C1orf174: variants seen among roughly 807,000 people sequenced by gnomAD.
The protein encoded by C1orf174 is chromosome 1 open reading frame 174.
In C1orf174, 13 loss-of-function variants were observed where a neutral mutation model predicts 18.4. The observed-to-expected ratio is 0.71, with a 90% CI of 0.46 to 1.12. C1orf174 has a LOEUF of 1.12. Among genes scored for constraint, C1orf174 ranks in the 50% most tolerant of loss-of-function variants. C1orf174 has a pLI of 0.00. For synonymous variants in C1orf174, 100 were observed against 118.3 expected (o/e 0.85, Z 1.01); for missense variants, 309 against 308.0 (o/e 1.00, Z -0.02).
Position 3,891,022 on chromosome 1 carries a change from C to T in C1orf174, c.165G>A (p.Thr55=), listed in dbSNP as rs368670235. Residue 55 remains threonine, a synonymous_variant, in exon 3 of 4, where the codon ACG becomes ACA. Transcript: ENST00000361605. ...SSSHKATDTR[T]SKKFKCDKGH... Reference sequence around the variant, plus strand: ...CTTTGTCACATTTGAACTTCTTGGACGTTCGCGTGTCTGTGGCTTTGTGGG... The same window carrying T: ...CTTTGTCACATTTGAACTTCTTGGATGTTCGCGTGTCTGTGGCTTTGTGGG... The T allele has an allele frequency of 6.9e-5, 111 of 1,613,388 alleles. No individual in the cohort carries two copies. The highest frequency in any genetic ancestry group is 1.1e-4 in the East Asian group (5 of 44,892).
At chr1:3,894,722 A>T (rs1257403301) in intron 1 of C1orf174, among the ~76,000 whole-genome samples, 1 of 152,144 alleles carries the variant, frequency 6.6e-6, no homozygotes, top group Non-Finnish European at 1.5e-5. Flanking sequence ...TGGCAGTCAG[A>T]GTGTGTGTCT....
In C1orf174 at chr1:3,890,939, A is replaced by G; in HGVS notation, c.248T>C (p.Leu83Ser). Residue 83 changes from leucine (L) to serine (S), a missense_variant, in exon 3 of 4, where the codon TTG becomes TCG. Transcript: ENST00000361605. ...KLVPKNDSAS[L>S]PKVTPETPCE... ...AGGGGTCTCAGGTGTCACTTTTGGC[A>G]AAGAAGCGCTGTCATTCTTAGGGAC... 3 of 1,614,168 alleles carry G rather than the reference A, an allele frequency of 1.9e-6. No individual in the cohort carries two copies. The highest frequency in any genetic ancestry group is 2.2e-5 in the South Asian group (2 of 91,080).
At chr1:3,898,372 T>C (rs1638644812) in intron 1 of C1orf174, among the ~76,000 whole-genome samples, 1 of 151,976 alleles carries the variant, frequency 6.6e-6, no homozygotes, top group African/African-American at 2.4e-5. Flanking sequence ...TAGCCGGGCG[T>C]AGTGGCAGCC....
chr1:3,893,202 G>A (rs762645744), intron 1 of C1orf174, among the ~76,000 whole-genome samples: 2 of 152,136 alleles, frequency 1.3e-5, no homozygotes, highest in African/African-American at 4.8e-5. Context: ...CTATTTCCAC[G>A]ATTTTGGAGG....
Position 3,890,661 on chromosome 1 carries a change from G to T in C1orf174, c.526C>A (p.Pro176Thr). Reference sequence around the variant, plus strand: ...AAGACGCTGTTGTCCATCTGAAGTGGTGGCTTCTGCACATCCTCTGTCTGT... The same window carrying T: ...AAGACGCTGTTGTCCATCTGAAGTGTTGGCTTCTGCACATCCTCTGTCTGT... ...GLQTEDVQKP[P>T]LQMDNSVFLD... is the part of the protein sequence containing the mutation. Residue 176 changes from proline (P) to threonine (T), a missense_variant, in exon 3 of 4, where the codon CCA becomes ACA. Transcript: ENST00000361605. 1 of 1,614,092 alleles carries T rather than the reference G, an allele frequency of 6.2e-7. No individual in the cohort carries two copies. The highest frequency in any genetic ancestry group is 1.1e-5 in the South Asian group (1 of 91,068).
intron 1 of C1orf174, chr1:3,896,270 T>G (rs1638604035): frequency 6.5e-6 from 1 of 152,758 alleles, no homozygotes; most frequent in Non-Finnish European, 1.5e-5. Flanking sequence ...GGCTTCACCT[T>G]GGCTCCATTC....
intron 1 of C1orf174, among the ~76,000 whole-genome samples, chr1:3,894,475 T>A (rs532708210): frequency 2.9e-4 from 44 of 151,232 alleles, no homozygotes; most frequent in Middle Eastern, 3.4e-3. Flanking sequence ...GGCGTGGTGG[T>A]GGGCGCCTGT....
At position 3,889,829 on chromosome 1, in the gene C1orf174, TTAGA is replaced by T; in HGVS notation, c.*127_*130del. 1.2e-6 allele frequency: 1 copy of T among 845,260 alleles called. No individual in the cohort carries two copies. Among genetic ancestry groups the T allele is most frequent in the Non-Finnish European group, 2.0e-6 (1 of 506,590 alleles). 52.4% of individuals were successfully genotyped at this position (845,260 alleles called of 1,614,324 possible). ...GTATTGGGTGCTTTGCACTATTGACTTAGATGGGTCAGTTCTGAAGTTTGATTAA... is the reference window on the plus strand; with the variant it reads ...GTATTGGGTGCTTTGCACTATTGACTTGGGTCAGTTCTGAAGTTTGATTAA... On this transcript the variant is annotated 3_prime_UTR_variant, in exon 4 of 4. Transcript: ENST00000361605.
intron 2 of C1orf174, chr1:3,891,684 C>T (rs779196585): frequency 7.7e-5 from 76 of 985,832 alleles, no homozygotes; most frequent in Admixed American, 1.2e-4. Context: ...GAACGGCAGA[C>T]GGCATGAGAT....
At chr1:3,897,965 A>G (rs1331235606) in intron 1 of C1orf174, among the ~76,000 whole-genome samples, 2 of 152,012 alleles carry the variant, frequency 1.3e-5, no homozygotes, top group Non-Finnish European at 2.9e-5. Flanking sequence ...GCCTGGCCCC[A>G]TATCCAGGAA....
At chr1:3,896,578 G>T (rs570060633) in intron 1 of C1orf174, among the ~76,000 whole-genome samples, 1 of 152,344 alleles carries the variant, frequency 6.6e-6, no homozygotes, top group South Asian at 2.1e-4. Context: ...AGAAGTTCCG[G>T]CCTAAGGGAG....
chr1:3,900,050 C>T (rs1455914619), intron 1 of C1orf174, 122 bp downstream of exon 1: 1 of 1,254,404 alleles, frequency 8.0e-7, no homozygotes, highest in Non-Finnish European at 1.1e-6. Context: ...GGGGGCGAGG[C>T]CCAAGCGGAG....
intron 3 of C1orf174, 133 bp downstream of exon 3, chr1:3,890,436 G>A (rs747489005): frequency 3.7e-5 from 47 of 1,280,290 alleles, no homozygotes; most frequent in Non-Finnish European, 4.8e-5. Context: ...TTTTCTCCTC[G>A]TGGGTTAAAA....
intron 3 of C1orf174, 109 bp from the exon 4 acceptor site, chr1:3,890,182 T>C: frequency 1.2e-6 from 1 of 828,650 alleles, no homozygotes; most frequent in South Asian, 1.5e-5. Context: ...GCTCTTCCCT[T>C]TTAGACGTGT....
chr1:3,894,211 G>C (rs1638564303), intron 1 of C1orf174, among the ~76,000 whole-genome samples: 1 of 152,100 alleles, frequency 6.6e-6, no homozygotes, highest in Admixed American at 6.5e-5. Context: ...CTGCCAACAG[G>C]CCCTAGAACT....
In C1orf174 at chr1:3,889,956, G is replaced by T; in HGVS notation, c.*4C>A. Reference sequence around the variant, plus strand: ...ATACTCAAGGACATTATTTTGTATGGCCCCTACATTTCTGCATCATCGTCG... The same window carrying T: ...ATACTCAAGGACATTATTTTGTATGTCCCCTACATTTCTGCATCATCGTCG... On this transcript the variant is annotated 3_prime_UTR_variant, in exon 4 of 4. Transcript: ENST00000361605. The T allele has an allele frequency of 6.2e-7, 1 of 1,610,242 alleles. No individual in the cohort carries two copies. Among genetic ancestry groups the T allele is most frequent in the Non-Finnish European group, 8.5e-7 (1 of 1,176,476 alleles).
chr1:3,891,276 C>T (rs778325960), intron 2 of C1orf174: 11 of 587,870 alleles, frequency 1.9e-5, no homozygotes, highest in Non-Finnish European at 2.9e-5. Flanking sequence ...TCAGTTTTCC[C>T]TAGTGGCGTT....
chr1:3,898,532 AACAACAAC>A (rs1557741862), intron 1 of C1orf174, among the ~76,000 whole-genome samples: 1 of 149,658 alleles, frequency 6.7e-6, no homozygotes, highest in South Asian at 2.1e-4. Context: ...CAACAACAAC[AACAACAAC>A]AACAACAACA....
intron 1 of C1orf174, among the ~76,000 whole-genome samples, chr1:3,897,240 G>A (rs1227335794): frequency 6.6e-6 from 1 of 152,130 alleles, no homozygotes; most frequent in Non-Finnish European, 1.5e-5. Flanking sequence ...ATATATAAAG[G>A]ACCAAGGTAG....
Sources: allele counts gnomAD v4.1 joint callset (sites outside exome capture counted in the v4.1 genomes callset), GRCh38; gene constraint gnomAD v4.1.1; transcripts MANE v1.5; gene names NCBI Gene and HGNC (gene_info 2026-07-23, HGNC 2026-07-21).